MAP2: variants seen among roughly 807,000 people sequenced by gnomAD.
The protein encoded by MAP2 is microtubule associated protein 2, also known as microtubule-associated protein 2.
MAP2 carries 14 observed loss-of-function variants against 137.6 expected under a neutral mutation model. The observed-to-expected ratio is 0.10, with a 90% confidence interval of 0.07 to 0.16. MAP2 has a LOEUF of 0.16. MAP2 is among the 10% of genes least tolerant of loss of function. The probability of loss-of-function intolerance (pLI) is 1.00; values close to 1 mark genes in which losing one functional copy is unlikely to be tolerated. For synonymous variants in MAP2, 786 were observed against 782.3 expected, an observed-to-expected ratio of 1.00 and a Z score of -0.08; for missense variants, 2,088 against 2,191.5, an observed-to-expected ratio of 0.95 and a Z score of 0.94.
chr2:209,472,737 A>G (rs1353258720), intron 1 of MAP2, among the ~76,000 whole-genome samples: 1 of 152,184 alleles, frequency 6.6e-6, no homozygotes, highest in Non-Finnish European at 1.5e-5. Context: ...AACTACTCAA[A>G]AAAAAAATTA....
intron 2 of MAP2, among the ~76,000 whole-genome samples, chr2:209,564,688 G>A (rs946222776): frequency 4.0e-5 from 6 of 151,782 alleles, no homozygotes; most frequent in Admixed American, 3.3e-4. Flanking sequence ...ACCTGTTATG[G>A]TGGTGGTTGT....
At chr2:209,554,384 C>T (rs986223625) in intron 2 of MAP2, among the ~76,000 whole-genome samples, 1 of 152,126 alleles carries the variant, frequency 6.6e-6, no homozygotes, top group Non-Finnish European at 1.5e-5. Flanking sequence ...CTCTTCTACC[C>T]GAGGGTGTAG....
chr2:209,612,272 A>G (rs1455092566), intron 3 of MAP2, among the ~76,000 whole-genome samples: 2 of 152,200 alleles, frequency 1.3e-5, no homozygotes, highest in Non-Finnish European at 2.9e-5. Flanking sequence ...GAGTGAAAAG[A>G]TAGAAGTTTT....
In MAP2 at chr2:209,446,104, T is replaced by G. The variant is rs143222653; in HGVS notation, c.-222+21828T>G. ...TAATATGGTCATAAGCTTGATGTGTTTTCAGAAAAAAAAGTAAAATTATTT... is the reference window on the plus strand; with the variant it reads ...TAATATGGTCATAAGCTTGATGTGTGTTCAGAAAAAAAAGTAAAATTATTT... On this transcript the variant is annotated intron_variant, in intron 1 of 15. Coordinates refer to ENST00000682079, the MANE Select transcript of MAP2 (RefSeq NM_001375505.1). Among the ~76,000 whole-genome samples the G allele has an allele frequency of 3.3e-5, 5 of 151,910 alleles. 1 individual carries two copies. In the East Asian group the frequency reaches 9.7e-4, roughly 29 times the overall value.
intron 3 of MAP2, among the ~76,000 whole-genome samples, chr2:209,617,135 G>C (rs996574674): frequency 4.6e-5 from 7 of 152,054 alleles, no homozygotes; most frequent in Non-Finnish European, 1.0e-4. Context: ...GAGGGCTCTG[G>C]TTTCTATGAC....
chr2:209,577,347 T>C (rs779878615), intron 2 of MAP2, among the ~76,000 whole-genome samples: 1 of 151,984 alleles, frequency 6.6e-6, no homozygotes, highest in Non-Finnish European at 1.5e-5. Context: ...AGCTACATAC[T>C]GGGGAGAGAG....
intron 5 of MAP2, among the ~76,000 whole-genome samples, chr2:209,657,628 T>C (rs1168542466): frequency 1.3e-5 from 2 of 151,738 alleles, no homozygotes; most frequent in Non-Finnish European, 2.9e-5. Context: ...TAATGAGGAT[T>C]TTTTTTTTCT....
intron 2 of MAP2, among the ~76,000 whole-genome samples, chr2:209,564,320 T>G (rs555974275): frequency 6.6e-6 from 1 of 152,204 alleles, no homozygotes; most frequent in East Asian, 1.9e-4. Flanking sequence ...TCCCTGTTGG[T>G]TTTGTATGTA....
intron 2 of MAP2, among the ~76,000 whole-genome samples, chr2:209,522,914 G>A (rs935976188): frequency 2.0e-5 from 3 of 152,100 alleles, no homozygotes; most frequent in African/African-American, 7.2e-5. Context: ...GTGTAGTTGT[G>A]ACTCTAATAA....
intron 4 of MAP2, among the ~76,000 whole-genome samples, chr2:209,645,401 C>T (rs577469463): frequency 7.9e-5 from 12 of 151,956 alleles, no homozygotes; most frequent in Admixed American, 3.3e-4. Context: ...GCCACATTTG[C>T]TTGAATGATA....
At chr2:209,505,700 G>A (rs1179318788) in intron 1 of MAP2, among the ~76,000 whole-genome samples, 9 of 148,946 alleles carry the variant, frequency 6.0e-5, no homozygotes, top group Non-Finnish European at 8.8e-5. Context: ...GGCCAGGCAC[G>A]GTGGCTTATG....
chr2:209,543,745 C>A (rs2067460024), intron 2 of MAP2, among the ~76,000 whole-genome samples: 1 of 152,112 alleles, frequency 6.6e-6, no homozygotes, highest in South Asian at 2.1e-4. Context: ...GATTTAAGGG[C>A]AGTTTAGGAT....
chr2:209,579,099 T>C (rs1401756761), intron 2 of MAP2, among the ~76,000 whole-genome samples: 2 of 152,182 alleles, frequency 1.3e-5, no homozygotes, highest in African/African-American at 2.4e-5. Context: ...GTTAAAAATA[T>C]TGTAATTATC....
intron 1 of MAP2, among the ~76,000 whole-genome samples, chr2:209,464,735 T>C (rs1458625155): frequency 3.3e-5 from 5 of 152,118 alleles, no homozygotes; most frequent in Non-Finnish European, 7.4e-5. Flanking sequence ...AAAATAACTG[T>C]TTATCTAGTT....
At chr2:209,712,819 T>C (rs574773397) in intron 13 of MAP2, among the ~76,000 whole-genome samples, 2 of 152,132 alleles carry the variant, frequency 1.3e-5, no homozygotes, top group Admixed American at 6.6e-5. Flanking sequence ...TTAGAAATTA[T>C]CAAAATGACA....
rs145006403 is a variant in MAP2, at chr2:209,651,758, G to T, written c.-29-1384G>T. Among the ~76,000 whole-genome samples, 693 of 152,328 alleles carry T rather than the reference G, an allele frequency of 4.5e-3. 5 individuals are homozygous for T. The highest frequency in any genetic ancestry group is 7.7e-3 in the Non-Finnish European group (525 of 68,028). On this transcript the variant is annotated intron_variant, in intron 4 of 15. Transcript: ENST00000682079. ...GTTTTGGGAGAGATTTGGTGCTGCAGTCAAATTGGCTTAAATGAATTAACT... is the reference window on the plus strand; with the variant it reads ...GTTTTGGGAGAGATTTGGTGCTGCATTCAAATTGGCTTAAATGAATTAACT...
Position 209,588,415 on chromosome 2 carries a change from A to G in MAP2, c.-107+8315A>G, listed in dbSNP as rs375198504. On this transcript the variant is annotated intron_variant, in intron 3 of 15. Coordinates refer to ENST00000682079, the MANE Select transcript of MAP2 (RefSeq NM_001375505.1). ...AGATTCTCTCCTGGTGTTAATGACTACATTATGACCATTTTAAAAAGCCAG... is the reference window on the plus strand; with the variant it reads ...AGATTCTCTCCTGGTGTTAATGACTGCATTATGACCATTTTAAAAAGCCAG... 8.5e-5 allele frequency among the ~76,000 whole-genome samples: 13 copies of G among 152,314 alleles called. No individual in the cohort carries two copies. The South Asian group carries it at 2.7e-3, about 32-fold the overall frequency.
chr2:209,625,364 C>T (rs902269943), intron 4 of MAP2, among the ~76,000 whole-genome samples: 1 of 152,168 alleles, frequency 6.6e-6, no homozygotes, highest in African/African-American at 2.4e-5. Context: ...CAAGCTCTTT[C>T]TCTTAAATCA....
intron 5 of MAP2, among the ~76,000 whole-genome samples, chr2:209,664,743 C>T (rs904124545): frequency 1.3e-5 from 2 of 151,598 alleles, no homozygotes; most frequent in Non-Finnish European, 2.9e-5. Context: ...AGGCAGATCA[C>T]GAGGTCAGGA....
Sources: allele counts gnomAD v4.1 joint callset (sites outside exome capture counted in the v4.1 genomes callset), GRCh38; gene constraint gnomAD v4.1.1; transcripts MANE v1.5; gene names NCBI Gene and HGNC (gene_info 2026-07-23, HGNC 2026-07-21).